SWAP70: variants seen among roughly 807,000 people sequenced by gnomAD.
SWAP70 encodes switching B cell complex subunit SWAP70, also known as switch-associated protein 70.
Under a neutral mutation model 80.2 loss-of-function variants are expected in SWAP70, and 34 were observed. The observed-to-expected ratio is 0.42, with a 90% CI of 0.32 to 0.56. The LOEUF (loss-of-function observed/expected upper bound fraction) is 0.56, where lower values mean the gene tolerates loss of function less well. Ranked by LOEUF, SWAP70 falls within the 20% of genes least tolerant of loss-of-function variation. The pLI is 0.09. For missense variants in SWAP70, 578 were observed against 690.7 expected (o/e 0.84, Z 1.83); for synonymous variants, 239 against 238.5 (o/e 1.00, Z -0.02).
intron 2 of SWAP70, among the ~76,000 whole-genome samples, chr11:9,703,749 C>T (rs1358044007): frequency 1.3e-5 from 2 of 152,160 alleles, no homozygotes; most frequent in Non-Finnish European, 2.9e-5. Context: ...ACCTGGTAAA[C>T]ACTCACAATG....
At position 9,677,496 on chromosome 11, in the gene SWAP70, G is replaced by A. The variant is rs185055261; in HGVS notation, c.99+13218G>A. 7.9e-5 allele frequency among the ~76,000 whole-genome samples: 12 copies of A among 152,200 alleles called. No individual in the cohort carries two copies. The East Asian group carries it at 1.9e-3, about 24-fold the overall frequency. On this transcript the variant is annotated intron_variant, in intron 1 of 11. Coordinates refer to ENST00000318950, the MANE Select transcript of SWAP70 (RefSeq NM_015055.4). The stretch of plus-strand genomic sequence containing the variant: ...TGGCCCATATTAGTCCCCTGTCCTG[G>A]AGGTAACCATTATTTCTAGCTTCTT...
intron 1 of SWAP70, among the ~76,000 whole-genome samples, chr11:9,684,397 C>T (rs994298468): frequency 6.6e-6 from 1 of 152,168 alleles, no homozygotes; most frequent in Non-Finnish European, 1.5e-5. Context: ...TGGTCTTTGT[C>T]ACCACTTTGA....
At chr11:9,684,822 C>G (rs1850610808) in intron 1 of SWAP70, among the ~76,000 whole-genome samples, 1 of 152,130 alleles carries the variant, frequency 6.6e-6, no homozygotes, top group Non-Finnish European at 1.5e-5. Context: ...CTTGGAAATT[C>G]TTAAATGGGA....
chr11:9,686,372 T>TTTATTTATTTATTTAC lies in SWAP70; in HGVS notation c.100-7772_100-7771insATTTATTTATTTACTT, dbSNP rs1350290349. Among the ~76,000 whole-genome samples, 543 of 151,680 alleles carry TTTATTTATTTATTTAC rather than the reference T, an allele frequency of 3.6e-3. 4 individuals carry two copies. Among genetic ancestry groups the TTTATTTATTTATTTAC allele is most frequent in the African/African-American group, 0.013 (528 of 41,344 alleles). On this transcript the variant is annotated intron_variant, in intron 1 of 11. Transcript: ENST00000318950. ...ATTTATTTATTTATTTATTTATTTA[T>TTTATTTATTTATTTAC]TTTTGTGAGACAGGTTCTCGCTCAG...
chr11:9,685,791 G>C (rs1164979326), intron 1 of SWAP70, among the ~76,000 whole-genome samples: 1 of 152,004 alleles, frequency 6.6e-6, no homozygotes, highest in Non-Finnish European at 1.5e-5. Context: ...ACACCACCAC[G>C]CCCGGCTAAT....
chr11:9,667,377 A>C (rs1044903150), intron 1 of SWAP70, among the ~76,000 whole-genome samples: 1 of 151,882 alleles, frequency 6.6e-6, no homozygotes, highest in Non-Finnish European at 1.5e-5. Context: ...CCACCTCCCA[A>C]GTAGCTAGGC....
At chr11:9,702,024 A>G (rs925368835) in intron 2 of SWAP70, among the ~76,000 whole-genome samples, 1 of 152,106 alleles carries the variant, frequency 6.6e-6, no homozygotes, top group Non-Finnish European at 1.5e-5. Context: ...GCCTTTTTGT[A>G]TTTGGTTTTT....
intron 1 of SWAP70, among the ~76,000 whole-genome samples, chr11:9,672,195 C>CTA (rs57590750): frequency 0.2 from 15,577 of 78,052 alleles, 1,670 homozygotes; most frequent in East Asian, 0.31. Flanking sequence ...ATGTGTGTGT[C>CTA]TATATATATA....
intron 2 of SWAP70, chr11:9,703,519 T>A: frequency 4.4e-6 from 2 of 456,188 alleles, no homozygotes; most frequent in South Asian, 3.1e-5. Context: ...TGATTGTCAC[T>A]TCCTCAGGGA....
chr11:9,677,090 ACTCT>A (rs1850511640), intron 1 of SWAP70, among the ~76,000 whole-genome samples: 1 of 150,934 alleles, frequency 6.6e-6, no homozygotes, highest in Non-Finnish European at 1.5e-5. Flanking sequence ...TGGATTCTAT[ACTCT>A]CTAATAATAA....
At chr11:9,685,717 T>G (rs1850622854) in intron 1 of SWAP70, among the ~76,000 whole-genome samples, 2 of 152,100 alleles carry the variant, frequency 1.3e-5, no homozygotes, top group Non-Finnish European at 2.9e-5. Context: ...CACTGCAATC[T>G]CTGACTCCCT....
chr11:9,729,483 TA>T (rs1434788716), intron 6 of SWAP70, 32 bp downstream of exon 6: 12 of 1,486,986 alleles, frequency 8.1e-6, no homozygotes, highest in Non-Finnish European at 1.1e-5. Flanking sequence ...TGCCATGATA[TA>T]ACTTGAAAGC....
intron 9 of SWAP70, among the ~76,000 whole-genome samples, chr11:9,746,597 C>G (rs1851515049): frequency 6.6e-6 from 1 of 152,176 alleles, no homozygotes; most frequent in Non-Finnish European, 1.5e-5. Context: ...GAAGCTGGGT[C>G]CCATTAGTTA....
chr11:9,700,410 A>C (rs1850816191), intron 2 of SWAP70, among the ~76,000 whole-genome samples: 1 of 152,234 alleles, frequency 6.6e-6, no homozygotes. Flanking sequence ...GGTTGAAAAA[A>C]GAAATGCCAA....
chr11:9,710,458 C>T (rs975873631), intron 2 of SWAP70, among the ~76,000 whole-genome samples: 1 of 152,076 alleles, frequency 6.6e-6, no homozygotes, highest in African/African-American at 2.4e-5. Flanking sequence ...TCTTTCTACT[C>T]CTGGAGGACT....
chr11:9,741,881 A>T (rs1159629179), intron 9 of SWAP70: 2 of 143,876 alleles, frequency 1.4e-5, no homozygotes, highest in African/African-American at 5.1e-5. Context: ...AGGCTGGAGG[A>T]TCACTTGAAC....
At chr11:9,682,399 T>G (rs535377057) in intron 1 of SWAP70, among the ~76,000 whole-genome samples, 1 of 152,326 alleles carries the variant, frequency 6.6e-6, no homozygotes, top group East Asian at 1.9e-4. Flanking sequence ...CAAACCTATT[T>G]TGGGGAGAAA....
At chr11:9,692,279 A>AT (rs1379769693) in intron 1 of SWAP70, among the ~76,000 whole-genome samples, 18 of 150,328 alleles carry the variant, frequency 1.2e-4, no homozygotes, top group Admixed American at 2.7e-4. Context: ...GAGTAGGTTA[A>AT]TTTTTTTTAA....
intron 1 of SWAP70, among the ~76,000 whole-genome samples, chr11:9,665,891 A>G (rs1014240101): frequency 6.6e-6 from 1 of 151,988 alleles, no homozygotes; most frequent in African/African-American, 2.4e-5. Flanking sequence ...TAATAAATAG[A>G]TGTAGCTGGG....
Sources: allele counts gnomAD v4.1 joint callset (sites outside exome capture counted in the v4.1 genomes callset), GRCh38; gene constraint gnomAD v4.1.1; transcripts MANE v1.5; gene names NCBI Gene and HGNC (gene_info 2026-07-23, HGNC 2026-07-21).